Variants in ITPKB observed in about 807,000 individuals in gnomAD.
ITPKB encodes the protein inositol-trisphosphate 3-kinase B.
ITPKB carries 13 observed loss-of-function variants against 69.4 expected under a neutral mutation model. The ratio of observed to expected loss-of-function variants is 0.19; its 90% CI spans 0.12 to 0.30. The LOEUF is 0.30. Among genes scored for constraint, ITPKB ranks in the 10% least tolerant of loss-of-function variants. The probability of loss-of-function intolerance (pLI) is 1.00; values close to 1 mark genes in which losing one functional copy is unlikely to be tolerated. For missense variants in ITPKB, 1,240 were observed against 1,250.5 expected (o/e 0.99, Z 0.13); for synonymous variants, 584 against 513.7 (o/e 1.14, Z -1.85).
At chr1:226,702,831 G>C (rs1656701089) in intron 2 of ITPKB, among the ~76,000 whole-genome samples, 1 of 152,108 alleles carries the variant, frequency 6.6e-6, no homozygotes, top group South Asian at 2.1e-4. Context: ...GGCATTTTTT[G>C]TGCTTACCTT....
At chr1:226,667,825 A>AGTGTGTGTGTGTGT (rs1353914471) in intron 2 of ITPKB, among the ~76,000 whole-genome samples, 1 of 108,410 alleles carries the variant, frequency 9.2e-6, no homozygotes, top group Non-Finnish European at 1.9e-5. Flanking sequence ...AGATGAGGAA[A>AGTGTGTGTGTGTGT]ATGTGTGTGT....
At chr1:226,636,425 G>C (rs1168539864) in intron 7 of ITPKB, among the ~76,000 whole-genome samples, 2 of 152,230 alleles carry the variant, frequency 1.3e-5, no homozygotes, top group Non-Finnish European at 2.9e-5. Context: ...ATCCTCTCCA[G>C]GCGCCCCGCA....
At chr1:226,687,329 G>A (rs780016651) in intron 2 of ITPKB, among the ~76,000 whole-genome samples, 8 of 152,046 alleles carry the variant, frequency 5.3e-5, no homozygotes, top group Admixed American at 2.6e-4. Context: ...TTCCATCCTC[G>A]GGATGAAAAC....
At chr1:226,670,968 TAAAC>T (rs1283257007) in intron 2 of ITPKB, among the ~76,000 whole-genome samples, 6 of 152,304 alleles carry the variant, frequency 3.9e-5, no homozygotes, top group Non-Finnish European at 7.4e-5. Flanking sequence ...GAACACCAAA[TAAAC>T]AAGTAACATA....
In ITPKB at chr1:226,720,201, G is replaced by T. The variant is rs79866461; in HGVS notation, c.1932+15326C>A. Among the ~76,000 whole-genome samples the T allele has an allele frequency of 2.0e-5, 3 of 152,254 alleles. No individual in the cohort carries two copies. In the East Asian group the frequency reaches 5.8e-4, roughly 29 times the overall value. ...ACTAGACTAAAACGGTACTCCAGGG[G>T]ACCTATGTGAACACACTCTCTTTCC... On this transcript the variant is annotated intron_variant, in intron 2 of 7. Coordinates refer to ENST00000429204, the MANE Select transcript of ITPKB (RefSeq NM_002221.4).
chr1:226,688,887 T>C (rs1656279484), intron 2 of ITPKB, among the ~76,000 whole-genome samples: 1 of 152,126 alleles, frequency 6.6e-6, no homozygotes, highest in Non-Finnish European at 1.5e-5. Context: ...TTTGCTCCCA[T>C]TACCAACCAC....
intron 2 of ITPKB, among the ~76,000 whole-genome samples, chr1:226,724,630 C>T (rs1401844889): frequency 6.6e-6 from 1 of 152,154 alleles, no homozygotes; most frequent in Non-Finnish European, 1.5e-5. Context: ...TCTAGGGTCA[C>T]ACAGATAGGA....
Position 226,736,006 on chromosome 1 carries a change from C to A in ITPKB, c.1453G>T (p.Ala485Ser), listed in dbSNP as rs992211791. Residue 485 changes from alanine to serine, a missense_variant, in exon 2 of 8, where the codon GCG becomes TCG. Transcript: ENST00000429204. ...CACTGAGGTTCTTTCAGATCTTTCG[C>A]AGCGTCCCAACAGGGCAAAGGCTCC... ...MLEPLPCWDA[A>S]KDLKEPQCPP... is the part of the protein sequence containing the mutation. 3 of 1,613,892 alleles carry A rather than the reference C, an allele frequency of 1.9e-6. No individual in the cohort carries two copies. The African/African-American group carries it at 4.0e-5, about 22-fold the overall frequency.
chr1:226,648,494 T>A (rs1204126378), intron 3 of ITPKB, among the ~76,000 whole-genome samples, 178 bp downstream of exon 3: 1 of 152,180 alleles, frequency 6.6e-6, no homozygotes, highest in East Asian at 1.9e-4. Flanking sequence ...AGGTCCGTTG[T>A]CTATGGCATT....
chr1:226,652,110 T>A (rs1669206282), intron 2 of ITPKB, among the ~76,000 whole-genome samples: 1 of 152,162 alleles, frequency 6.6e-6, no homozygotes, highest in African/African-American at 2.4e-5. Flanking sequence ...AGGCAGTGCC[T>A]AATGTCACTG....
At chr1:226,728,665 C>G (rs961231751) in intron 2 of ITPKB, among the ~76,000 whole-genome samples, 7 of 152,200 alleles carry the variant, frequency 4.6e-5, no homozygotes, top group Non-Finnish European at 1.0e-4. Context: ...TGCAACTGAA[C>G]AAAAGGAAAC....
chr1:226,651,486 G>A (rs1194846727), intron 2 of ITPKB, among the ~76,000 whole-genome samples: 1 of 152,210 alleles, frequency 6.6e-6, no homozygotes, highest in African/African-American at 2.4e-5. Flanking sequence ...TTCAAGGAGG[G>A]GACCCAGGTG....
At chr1:226,690,910 G>C (rs1217027088) in intron 2 of ITPKB, among the ~76,000 whole-genome samples, 4 of 152,234 alleles carry the variant, frequency 2.6e-5, no homozygotes, top group Admixed American at 1.3e-4. Flanking sequence ...TCTGACACAT[G>C]CTACAACAGG....
intron 2 of ITPKB, among the ~76,000 whole-genome samples, chr1:226,671,204 G>C (rs138774513): frequency 2.6e-5 from 4 of 152,154 alleles, no homozygotes; most frequent in Admixed American, 6.5e-5. Flanking sequence ...AGGACCATTC[G>C]GATGACAGAC....
At chr1:226,711,298 T>G (rs994827505) in intron 2 of ITPKB, among the ~76,000 whole-genome samples, 2 of 152,040 alleles carry the variant, frequency 1.3e-5, no homozygotes, top group African/African-American at 4.8e-5. Flanking sequence ...CCAAAATCCT[T>G]TGACTCCAGT....
intron 2 of ITPKB, among the ~76,000 whole-genome samples, chr1:226,720,067 A>C (rs1657194971): frequency 6.6e-6 from 1 of 152,240 alleles, no homozygotes; most frequent in Admixed American, 6.5e-5. Context: ...CCAGGAGCTC[A>C]CTTTTGCTGC....
chr1:226,671,832 C>T (rs569591634), intron 2 of ITPKB, among the ~76,000 whole-genome samples: 2 of 152,158 alleles, frequency 1.3e-5, no homozygotes, highest in Non-Finnish European at 2.9e-5. Context: ...GCAGGAACAG[C>T]AAAGTGGCTG....
intron 2 of ITPKB, among the ~76,000 whole-genome samples, chr1:226,651,143 A>G (rs1669183792): frequency 6.6e-6 from 1 of 152,124 alleles, no homozygotes; most frequent in South Asian, 2.1e-4. Context: ...GGAGAGAAAG[A>G]GAAGACTACA....
At chr1:226,661,019 A>G (rs1669393977) in intron 2 of ITPKB, among the ~76,000 whole-genome samples, 1 of 152,244 alleles carries the variant, frequency 6.6e-6, no homozygotes, top group East Asian at 1.9e-4. Context: ...GTGGAAATTT[A>G]CCAAAGGCCT....
Sources: gnomAD v4.1 joint callset for allele counts (sites outside exome capture counted in the v4.1 genomes callset) on GRCh38, gnomAD v4.1.1 for gene constraint, MANE v1.5 for transcripts, NCBI Gene and HGNC (gene_info 2026-07-23, HGNC 2026-07-21) for gene names.